Variants in NPAS2 observed in about 807,000 individuals in gnomAD.
NPAS2 encodes neuronal PAS domain protein 2.
NPAS2 carries 23 observed loss-of-function variants against 107.5 expected under a neutral mutation model. That is an observed-to-expected ratio of 0.21 (90% confidence interval 0.15 to 0.30). The LOEUF is 0.30. Ranked by LOEUF, NPAS2 falls within the 10% of genes least tolerant of loss-of-function variation. NPAS2 has a pLI of 1.00. For missense variants in NPAS2, 756 were observed against 1,043.3 expected (o/e 0.72, Z 3.79); for synonymous variants, 403 against 417.5 (o/e 0.97, Z 0.42).
At chr2:100,866,192 GA>G (rs1426439703) in intron 1 of NPAS2, among the ~76,000 whole-genome samples, 1 of 152,166 alleles carries the variant, frequency 6.6e-6, no homozygotes, top group Non-Finnish European at 1.5e-5. Flanking sequence ...GGGTGATGGG[GA>G]GAGAACAGTT....
At chr2:100,981,186 G>C (rs1242382999) in intron 15 of NPAS2, among the ~76,000 whole-genome samples, 1 of 152,160 alleles carries the variant, frequency 6.6e-6, no homozygotes, top group Non-Finnish European at 1.5e-5. Flanking sequence ...TGTCTGGGAG[G>C]TCAAAGGGCA....
intron 1 of NPAS2, chr2:100,823,846 G>T (rs1474321291): frequency 6.6e-6 from 1 of 152,168 alleles, no homozygotes; most frequent in Admixed American, 6.5e-5. Flanking sequence ...AAGGAGAGTT[G>T]CTGGTAGGGC....
At chr2:100,979,839 A>T (rs145882068) in intron 15 of NPAS2, among the ~76,000 whole-genome samples, 1 of 152,098 alleles carries the variant, frequency 6.6e-6, no homozygotes, top group Admixed American at 6.6e-5. Context: ...CAATAACTAT[A>T]TTCTTTAAGA....
At chr2:100,984,606 T>C (rs975890120) in intron 16 of NPAS2, 8 of 152,312 alleles carry the variant, frequency 5.3e-5, no homozygotes, top group African/African-American at 9.6e-5. Context: ...TTTTCTCTGA[T>C]AACTTTTCCC....
chr2:100,820,900 AATTGGTTCCG>A lies in NPAS2; in HGVS notation c.-23+487_-23+496del, dbSNP rs1676030772. ...CGGTCTCTCGGAGTCCCTGGGTCGG[AATTGGTTCCG>A]GGCCGGATTGGGTGCGGAATCGGTG... On this transcript the variant is annotated intron_variant, in intron 1 of 20. Transcript: ENST00000335681. The surrounding 1 kb of genome is among the most constrained non-coding windows in gnomAD (Gnocchi z 5.6). 1 of 514,514 alleles carries A rather than the reference AATTGGTTCCG, an allele frequency of 1.9e-6. No individual in the cohort carries two copies. Among genetic ancestry groups the A allele is most frequent in the Non-Finnish European group, 3.2e-6 (1 of 313,612 alleles). 31.9% of individuals were successfully genotyped at this position (514,514 alleles called of 1,614,324 possible). A position where few individuals can be genotyped will look rare whatever the true frequency, so the allele number is the denominator to read the frequency against.
At chr2:100,959,103 A>ACAAAAAC (rs1553461893) in intron 7 of NPAS2, among the ~76,000 whole-genome samples, 17 of 66,860 alleles carry the variant, frequency 2.5e-4, no homozygotes, top group Non-Finnish European at 6.0e-4. Context: ...AAAAAAAAAA[A>ACAAAAAC]AAAAAACAAA....
chr2:100,880,988 C>G (rs1373077157), intron 1 of NPAS2, among the ~76,000 whole-genome samples: 1 of 152,160 alleles, frequency 6.6e-6, no homozygotes, highest in Non-Finnish European at 1.5e-5. Context: ...GGGTGCTGCA[C>G]TCAACCCCGA....
chr2:100,962,746 C>T (rs1182534489), intron 7 of NPAS2: 1 of 152,228 alleles, frequency 6.6e-6, no homozygotes, highest in Non-Finnish European at 1.5e-5. Context: ...AACTTTTTCT[C>T]TGGCCCAGAA....
Position 100,993,394 on chromosome 2 carries a change from C to A in NPAS2, c.2159C>A (p.Ala720Asp). Residue 720 changes from alanine to aspartate, a missense_variant, in exon 20 of 21, where the codon GCC becomes GAC. This residue lies in a region of NPAS2 where 496 missense variants were observed against 594.4 expected (regional missense o/e 0.83). Coordinates refer to ENST00000335681, the MANE Select transcript of NPAS2 (RefSeq NM_002518.4). ...TVFQNPDAHP[A>D]NSSSAPMPVL... ...TTTCAAAATCCAGACGCACACCCCG[C>A]CAACAGCAGCAGCGCCCCGATGCCC... The A allele has an allele frequency of 6.2e-7, 1 of 1,610,798 alleles. No homozygotes were observed. The highest frequency in any genetic ancestry group is 8.5e-7 in the Non-Finnish European group (1 of 1,177,632).
At chr2:100,833,380 G>T (rs1050890139) in intron 1 of NPAS2, among the ~76,000 whole-genome samples, 1 of 152,182 alleles carries the variant, frequency 6.6e-6, no homozygotes, top group Admixed American at 6.5e-5. Context: ...TTTATTTTGC[G>T]CTGTGACCAG....
At chr2:100,856,447 G>A (rs761758420) in intron 1 of NPAS2, among the ~76,000 whole-genome samples, 1 of 152,188 alleles carries the variant, frequency 6.6e-6, no homozygotes, top group Non-Finnish European at 1.5e-5. Context: ...CTGGTTGGGT[G>A]TGGAAAAAGT....
intron 7 of NPAS2, among the ~76,000 whole-genome samples, chr2:100,954,683 AAAAAAAG>A (rs1675456952): frequency 2.3e-5 from 2 of 85,814 alleles, no homozygotes; most frequent in Admixed American, 1.5e-4. Context: ...AAAAAAAAGA[AAAAAAAG>A]AAAAGAAAAA....
At chr2:100,904,698 T>G in intron 1 of NPAS2, 35 bp from the exon 2 acceptor site, 1 of 1,365,080 alleles carries the variant, frequency 7.3e-7, no homozygotes, top group Non-Finnish European at 1.0e-6. Context: ...ACAGTAATTA[T>G]CCATTCTTTT....
chr2:100,918,076 A>ATATT (rs1239715650), intron 2 of NPAS2, among the ~76,000 whole-genome samples: 11 of 151,094 alleles, frequency 7.3e-5, no homozygotes, highest in South Asian at 6.3e-4. Flanking sequence ...ATTTATATAT[A>ATATT]TTTTAAATTA....
chr2:100,953,376 A>T (rs1193533406), intron 7 of NPAS2, among the ~76,000 whole-genome samples: 12 of 136,126 alleles, frequency 8.8e-5, no homozygotes, highest in Admixed American at 8.6e-4. Context: ...TCCATCTCAT[A>T]AAAAAAAAAA....
rs763799518 is a variant in NPAS2 at position 100,975,434 on chromosome 2, A to T, written c.1283-24A>T. ...ACATGCTAAGTACATGGAAGTTAGA[A>T]GGTCATTCGTTGCTTTCTTACAGCC... is the stretch of plus-strand genomic sequence containing the variant. On this transcript the variant is annotated intron_variant, in intron 13 of 20. Coordinates refer to ENST00000335681, the MANE Select transcript of NPAS2 (RefSeq NM_002518.4). The T allele has an allele frequency of 1.9e-6, 3 of 1,598,186 alleles. No individual in the cohort carries two copies. The East Asian group carries it at 6.7e-5, about 36-fold the overall frequency.
chr2:100,903,200 G>T lies in NPAS2; in HGVS notation c.-22-1533G>T, dbSNP rs567150009. Among the ~76,000 whole-genome samples the T allele has an allele frequency of 9.2e-4, 140 of 152,286 alleles. 2 individuals carry two copies. The South Asian group carries it at 0.028, about 30-fold the overall frequency. On this transcript the variant is annotated intron_variant, in intron 1 of 20. Transcript: ENST00000335681. ...GGCCGGGTCCTTGCTCATGCCCTGG[G>T]GCTTTGATCAGCCACCATTCTCCTT...
chr2:100,990,223 A>G (rs1437650240), intron 17 of NPAS2, 33 bp from the exon 18 acceptor site: 8 of 1,607,384 alleles, frequency 5.0e-6, no homozygotes, highest in African/African-American at 1.3e-5. Context: ...GTTGAGTCCA[A>G]GTCTTACCTT....
At chr2:100,874,079 C>T (rs1230528881) in intron 1 of NPAS2, among the ~76,000 whole-genome samples, 5 of 151,846 alleles carry the variant, frequency 3.3e-5, no homozygotes, top group African/African-American at 7.2e-5. Flanking sequence ...CACCTGGGTT[C>T]GAGCCTTCTG....
Sources: gnomAD v4.1 joint callset for allele counts (sites outside exome capture counted in the v4.1 genomes callset) on GRCh38, gnomAD v4.1.1 for gene constraint, gnomAD v4.1.1 regional missense constraint, Gnocchi (gnomAD v3.1) non-coding constraint, MANE v1.5 for transcripts, NCBI Gene and HGNC (gene_info 2026-07-23, HGNC 2026-07-21) for gene names.